Variants in FMNL2 observed in about 807,000 individuals in gnomAD.
The protein encoded by FMNL2 is formin-like protein 2.
FMNL2 carries 51 observed loss-of-function variants against 130.2 expected under a neutral mutation model. The observed-to-expected ratio is 0.39, with a 90% CI of 0.31 to 0.49. FMNL2 has a LOEUF of 0.49. FMNL2 is among the 20% of genes least tolerant of loss of function. The probability of loss-of-function intolerance (pLI) is 0.85; values close to 1 mark genes in which losing one functional copy is unlikely to be tolerated. For synonymous variants in FMNL2, 465 were observed against 467.1 expected, an observed-to-expected ratio of 1.00 and a Z score of 0.06; for missense variants, 977 against 1,316.2, an observed-to-expected ratio of 0.74 and a Z score of 3.99.
intron 2 of FMNL2, among the ~76,000 whole-genome samples, chr2:152,541,296 A>G (rs1490565867): frequency 6.6e-6 from 1 of 152,164 alleles, no homozygotes; most frequent in East Asian, 1.9e-4. Flanking sequence ...AGCTGGGACT[A>G]CAGGCATGTG....
chr2:152,638,499 A>C (rs1389523251), intron 23 of FMNL2, among the ~76,000 whole-genome samples: 2 of 152,212 alleles, frequency 1.3e-5, no homozygotes, highest in Non-Finnish European at 2.9e-5. Flanking sequence ...CACTTCCCTA[A>C]CACCACTAGG....
intron 4 of FMNL2, among the ~76,000 whole-genome samples, chr2:152,549,763 T>C (rs1173316838): frequency 6.6e-6 from 1 of 152,216 alleles, no homozygotes; most frequent in African/African-American, 2.4e-5. Context: ...AATTGTACTA[T>C]GTCTTAAAAC....
chr2:152,588,860 C>G (rs901376900), intron 9 of FMNL2, among the ~76,000 whole-genome samples: 6 of 152,058 alleles, frequency 3.9e-5, no homozygotes, highest in Non-Finnish European at 8.8e-5. Flanking sequence ...TAGATTGACT[C>G]TATTAATAAA....
chr2:152,557,008 T>A (rs1356342573), intron 4 of FMNL2, among the ~76,000 whole-genome samples: 2 of 152,088 alleles, frequency 1.3e-5, no homozygotes, highest in Admixed American at 1.3e-4. Flanking sequence ...GGCTTGAATT[T>A]AAAGATTTTC....
At chr2:152,388,092 CT>C (rs1390586661) in intron 1 of FMNL2, among the ~76,000 whole-genome samples, 3 of 152,208 alleles carry the variant, frequency 2.0e-5, no homozygotes, top group Admixed American at 6.5e-5. Context: ...CTTAGAAATT[CT>C]TGCTCTGTTT....
At chr2:152,447,246 A>G (rs894391238) in intron 1 of FMNL2, among the ~76,000 whole-genome samples, 3 of 152,044 alleles carry the variant, frequency 2.0e-5, no homozygotes, top group African/African-American at 7.2e-5. Context: ...GATTATAGGC[A>G]TGCACCACCA....
intron 2 of FMNL2, among the ~76,000 whole-genome samples, chr2:152,541,468 GC>G (rs973997574): frequency 6.6e-6 from 1 of 152,052 alleles, no homozygotes; most frequent in African/African-American, 2.4e-5. Context: ...AGGTAGTTAA[GC>G]CCGAGAACCA....
intron 9 of FMNL2, among the ~76,000 whole-genome samples, chr2:152,591,112 C>A (rs1376466723): frequency 6.8e-6 from 1 of 147,998 alleles, no homozygotes; most frequent in Non-Finnish European, 1.5e-5. Context: ...CGGGTTCAAG[C>A]GATTCTCCTG....
At chr2:152,438,948 C>T (rs1026108601) in intron 1 of FMNL2, among the ~76,000 whole-genome samples, 2 of 151,974 alleles carry the variant, frequency 1.3e-5, no homozygotes, top group African/African-American at 4.8e-5. Flanking sequence ...ATTAGGAAAT[C>T]AACAAAAATG....
intron 1 of FMNL2, among the ~76,000 whole-genome samples, chr2:152,446,356 A>G (rs1322552261): frequency 6.6e-6 from 1 of 152,222 alleles, no homozygotes; most frequent in Admixed American, 6.5e-5. Context: ...GCATATTGGA[A>G]TATTTACAGA....
chr2:152,391,915 T>G (rs1685135835), intron 1 of FMNL2, among the ~76,000 whole-genome samples: 1 of 145,562 alleles, frequency 6.9e-6, no homozygotes, highest in African/African-American at 2.5e-5. Flanking sequence ...GTTGTTTTTT[T>G]TTTTTTTTTT....
intron 2 of FMNL2, among the ~76,000 whole-genome samples, chr2:152,538,478 C>T (rs1295436016): frequency 1.3e-5 from 2 of 152,086 alleles, no homozygotes; most frequent in Non-Finnish European, 2.9e-5. Flanking sequence ...TGGGGTTTCA[C>T]CACGTTGGCC....
At chr2:152,565,469 T>C (rs1248960097) in intron 6 of FMNL2, among the ~76,000 whole-genome samples, 1 of 152,146 alleles carries the variant, frequency 6.6e-6, no homozygotes, top group Non-Finnish European at 1.5e-5. Context: ...TGGAGAGCTG[T>C]CCAGTGGAGA....
chr2:152,617,463 T>C (rs1233114892), intron 13 of FMNL2, among the ~76,000 whole-genome samples: 1 of 152,264 alleles, frequency 6.6e-6, no homozygotes, highest in East Asian at 1.9e-4. Context: ...GAGGCTGAGT[T>C]AATTCTGTGG....
chr2:152,389,453 G>A (rs921225505), intron 1 of FMNL2, among the ~76,000 whole-genome samples: 1 of 152,198 alleles, frequency 6.6e-6, no homozygotes, highest in Non-Finnish European at 1.5e-5. Context: ...ATTACATTTA[G>A]GGGTTAGGTT....
At chr2:152,636,927 T>G (rs1050258321) in intron 22 of FMNL2, among the ~76,000 whole-genome samples, 8 of 152,190 alleles carry the variant, frequency 5.3e-5, no homozygotes, top group African/African-American at 1.9e-4. Context: ...TGTAGTGGGT[T>G]TCTGTAGATC....
intron 9 of FMNL2, among the ~76,000 whole-genome samples, chr2:152,594,040 A>C (rs888876745): frequency 6.6e-6 from 1 of 152,120 alleles, no homozygotes; most frequent in Non-Finnish European, 1.5e-5. Flanking sequence ...ATGGGCTAGA[A>C]GGATGCTCAG....
rs976364883 is a variant in FMNL2 at position 152,528,447 on chromosome 2, T to C, written c.201+6421T>C. On this transcript the variant is annotated intron_variant, in intron 2 of 25. Coordinates refer to ENST00000288670, the MANE Select transcript of FMNL2 (RefSeq NM_052905.4). ...AGGAGATTTCTTCCTTTCCTCTCTT[T>C]CCTTCTGGTGTCTCTGGGCATTCTT... 3.3e-5 allele frequency among the ~76,000 whole-genome samples: 5 copies of C among 152,260 alleles called. No individual in the cohort carries two copies. The East Asian group carries it at 9.7e-4, about 29-fold the overall frequency.
At chr2:152,390,406 G>T in intron 1 of FMNL2, 1 of 1,092,568 alleles carries the variant, frequency 9.2e-7, no homozygotes, top group African/African-American at 1.5e-5. Flanking sequence ...TGGTGGAGCT[G>T]CTTGGTGTCC....
Sources: gnomAD v4.1 joint callset for allele counts (sites outside exome capture counted in the v4.1 genomes callset) on GRCh38, gnomAD v4.1.1 for gene constraint, MANE v1.5 for transcripts, NCBI Gene and HGNC (gene_info 2026-07-23, HGNC 2026-07-21) for gene names.